The following KAZN variants were observed in gnomAD, a reference collection of about 807,000 sequenced individuals.
KAZN encodes kazrin, periplakin interacting protein.
In KAZN, 40 loss-of-function variants were observed where a neutral mutation model predicts 87.4. That is an observed-to-expected ratio of 0.46 (90% CI 0.36 to 0.60). KAZN has a LOEUF of 0.60. KAZN is among the 20% of genes least tolerant of loss of function. KAZN has a pLI of 0.00. For synonymous variants in KAZN, 466 were observed against 458.3 expected, an observed-to-expected ratio of 1.02 and a Z score of -0.22; for missense variants, 898 against 1,073.9, an observed-to-expected ratio of 0.84 and a Z score of 2.29.
chr1:14,963,005 G>A (rs961208757), intron 2 of KAZN, among the ~76,000 whole-genome samples: 2 of 152,260 alleles, frequency 1.3e-5, no homozygotes, highest in East Asian at 3.9e-4. Context: ...GCAGGAGGTT[G>A]TGAGAATGAA....
chr1:14,093,161 C>T (rs959453269), intron 1 of KAZN, among the ~76,000 whole-genome samples: 2 of 152,178 alleles, frequency 1.3e-5, no homozygotes, highest in African/African-American at 4.8e-5. Flanking sequence ...TGTCTCTGTG[C>T]CCCAACACCA....
At chr1:14,308,783 T>TAAGTGTTAG (rs61614444) in intron 2 of KAZN, among the ~76,000 whole-genome samples, 37,793 of 152,090 alleles carry the variant, frequency 0.25, 4,985 homozygotes, top group Middle Eastern at 0.3. Context: ...AAGCATTCAG[T>TAAGTGTTAG]CATCAGTATG....
chr1:14,907,471 A>G (rs745645854), intron 1 of KAZN, among the ~76,000 whole-genome samples: 2 of 151,840 alleles, frequency 1.3e-5, no homozygotes, highest in Admixed American at 6.6e-5. Context: ...CAGAATCTGC[A>G]TTTTAACAAG....
chr1:14,292,684 TC>T (rs1360683644), intron 2 of KAZN, among the ~76,000 whole-genome samples: 2 of 152,176 alleles, frequency 1.3e-5, no homozygotes, highest in Non-Finnish European at 2.9e-5. Flanking sequence ...ATAAATGTGC[TC>T]CCGCCTCCCC....
At chr1:14,754,576 T>C (rs1042476112) in intron 1 of KAZN, among the ~76,000 whole-genome samples, 3 of 152,114 alleles carry the variant, frequency 2.0e-5, no homozygotes, top group Non-Finnish European at 4.4e-5. Context: ...GAGGTTGCAG[T>C]GAGCCAAGAT....
intron 3 of KAZN, among the ~76,000 whole-genome samples, chr1:15,039,623 A>T (rs6429706): frequency 6.6e-6 from 1 of 152,052 alleles, no homozygotes; most frequent in Non-Finnish European, 1.5e-5. Context: ...GATACATTTT[A>T]ATGGGGTACA....
intron 1 of KAZN, among the ~76,000 whole-genome samples, chr1:13,920,613 C>G (rs1570280211): frequency 2.0e-5 from 3 of 151,970 alleles, no homozygotes; most frequent in Admixed American, 2.0e-4. Flanking sequence ...GGTCAGGAGC[C>G]TTCTCTCTTA....
intron 1 of KAZN, chr1:14,924,647 G>C (rs1174460066): frequency 2.3e-6 from 2 of 857,892 alleles, no homozygotes; most frequent in African/African-American, 3.7e-5. Flanking sequence ...GGGCGCGCGA[G>C]GGCGCTCGGA....
chr1:14,794,432 C>A (rs1645770683), intron 1 of KAZN, among the ~76,000 whole-genome samples: 1 of 151,662 alleles, frequency 6.6e-6, no homozygotes, highest in Non-Finnish European at 1.5e-5. Flanking sequence ...AGGCTGTGGG[C>A]CTTTATCTTC....
chr1:14,922,793 A>C (rs1658674952), intron 1 of KAZN, among the ~76,000 whole-genome samples: 1 of 142,698 alleles, frequency 7.0e-6, no homozygotes, highest in South Asian at 2.2e-4. Flanking sequence ...CTCTGTCTCA[A>C]AAAAAAAAAA....
intron 2 of KAZN, among the ~76,000 whole-genome samples, chr1:14,497,978 T>C (rs1670039515): frequency 6.6e-6 from 1 of 152,224 alleles, no homozygotes; most frequent in Non-Finnish European, 1.5e-5. Flanking sequence ...ACTCAAGCTT[T>C]GCAGCCTGGC....
intron 1 of KAZN, among the ~76,000 whole-genome samples, chr1:14,755,786 C>T (rs770091134): frequency 1.2e-4 from 18 of 152,068 alleles, no homozygotes; most frequent in Non-Finnish European, 2.4e-4. Flanking sequence ...AATTAAGAGC[C>T]GGGAAGAAAA....
At chr1:14,808,918 C>G (rs915290372) in intron 1 of KAZN, among the ~76,000 whole-genome samples, 1 of 152,134 alleles carries the variant, frequency 6.6e-6, no homozygotes, top group Non-Finnish European at 1.5e-5. Context: ...GGTCACAAAA[C>G]GGCTGCCACA....
At chr1:14,210,252 A>G (rs1324547659) in intron 2 of KAZN, among the ~76,000 whole-genome samples, 1 of 152,174 alleles carries the variant, frequency 6.6e-6, no homozygotes, top group Non-Finnish European at 1.5e-5. Flanking sequence ...TATAAAGGCC[A>G]GTTCCCCTGC....
At chr1:14,266,702 G>A (rs927218846) in intron 2 of KAZN, among the ~76,000 whole-genome samples, 1 of 152,052 alleles carries the variant, frequency 6.6e-6, no homozygotes, top group South Asian at 2.1e-4. Context: ...CCATCGCAAG[G>A]GACACTCGCA....
chr1:14,483,029 G>C (rs1252598893), intron 2 of KAZN, among the ~76,000 whole-genome samples: 1 of 152,122 alleles, frequency 6.6e-6, no homozygotes, highest in African/African-American at 2.4e-5. Context: ...ATGAATATAT[G>C]CAAAGAGCTT....
intron 2 of KAZN, among the ~76,000 whole-genome samples, chr1:14,532,939 A>C (rs1277889901): frequency 1.3e-5 from 2 of 152,098 alleles, no homozygotes; most frequent in Non-Finnish European, 2.9e-5. Context: ...ATACGTGTGC[A>C]TGTGTCTTTA....
chr1:14,697,159 A>AAAAAAAAAAAAAAG (rs1557897126), intron 1 of KAZN, among the ~76,000 whole-genome samples: 5 of 135,074 alleles, frequency 3.7e-5, no homozygotes, highest in East Asian at 2.1e-4. Flanking sequence ...AAAAAAAAAG[A>AAAAAAAAAAAAAAG]AAAGAAAAGA....
intron 2 of KAZN, among the ~76,000 whole-genome samples, chr1:14,985,609 G>A (rs997314579): frequency 1.6e-4 from 24 of 152,150 alleles, no homozygotes; most frequent in African/African-American, 4.1e-4. Context: ...GGACATTATG[G>A]GCTTCCTGAT....
Sources: allele counts gnomAD v4.1 joint callset (sites outside exome capture counted in the v4.1 genomes callset), GRCh38; gene constraint gnomAD v4.1.1; transcripts MANE v1.5; gene names NCBI Gene and HGNC (gene_info 2026-07-23, HGNC 2026-07-21).